The following ABCB10 variants were observed in gnomAD, a reference collection of about 807,000 sequenced individuals.
ABCB10 encodes the protein ATP-binding cassette sub-family B member 10, mitochondrial.
ABCB10 carries 54 observed loss-of-function variants against 65.4 expected under a neutral mutation model. That is an observed-to-expected ratio of 0.83 (90% confidence interval 0.66 to 1.04). The LOEUF is 1.04. Ranked by LOEUF, ABCB10 falls within the 50% of genes least tolerant of loss-of-function variation. ABCB10 has a pLI of 0.00. For synonymous variants in ABCB10, 418 were observed against 406.5 expected, an observed-to-expected ratio of 1.03 and a Z score of -0.34; for missense variants, 846 against 976.6, an observed-to-expected ratio of 0.87 and a Z score of 1.78.
rs914376068 is a variant in ABCB10 at position 229,516,684 on chromosome 1, C to T, written c.*1495G>A. The T allele has an allele frequency of 2.6e-5, 4 of 152,048 alleles. No individual in the cohort carries two copies. Among genetic ancestry groups the T allele is most frequent in the African/African-American group, 9.7e-5 (4 of 41,416 alleles). 9.4% of individuals were successfully genotyped at this position (152,048 alleles called of 1,614,324 possible). ...AAAACATAACAATGAAATGCAATTTCGTAAATACTTCTATGGCACAAGGAT... is the reference window on the plus strand; with the variant it reads ...AAAACATAACAATGAAATGCAATTTTGTAAATACTTCTATGGCACAAGGAT... On this transcript the variant is annotated 3_prime_UTR_variant, in exon 13 of 13. Transcript: ENST00000344517.
intron 7 of ABCB10, among the ~76,000 whole-genome samples, chr1:229,531,337 A>G (rs1347492969): frequency 1.3e-5 from 2 of 152,162 alleles, no homozygotes; most frequent in Admixed American, 6.5e-5. Context: ...CCTGGGCCAC[A>G]CTGACTTCCA....
At position 229,558,384 on chromosome 1, in the gene ABCB10, AG is replaced by A; in HGVS notation, c.268del (p.Leu90TrpfsTer122). On this transcript the variant is annotated frameshift_variant, in exon 1 of 13. Coordinates refer to ENST00000344517, the MANE Select transcript of ABCB10 (RefSeq NM_012089.3). LOFTEE classifies it high-confidence loss of function. ...SRGVLGLARL[L>X]GLWARGPGSC... ...GCCGGGGCCGCGAGCCCACAGCCCC[AG>A]GAGCCGCGCGAGGCCCAGGACGCCC... The A allele has an allele frequency of 8.0e-7, 1 of 1,243,442 alleles. No homozygotes were observed. The highest frequency in any genetic ancestry group is 1.0e-6 in the Non-Finnish European group (1 of 985,588). The allele number at this position is 1,243,442 out of a possible 1,614,324, so 77.0% of individuals were successfully genotyped here.
intron 9 of ABCB10, among the ~76,000 whole-genome samples, chr1:229,526,396 C>A (rs530964615): frequency 6.6e-6 from 1 of 152,364 alleles, no homozygotes; most frequent in African/African-American, 2.4e-5. Context: ...TGCCTGCCTT[C>A]CACTCAGGAC....
intron 6 of ABCB10, among the ~76,000 whole-genome samples, chr1:229,536,620 C>T (rs1293864963): frequency 6.6e-6 from 1 of 152,178 alleles, no homozygotes; most frequent in Non-Finnish European, 1.5e-5. Context: ...AAATAAAATG[C>T]AATCTCTCGC....
At chr1:229,536,164 T>C (rs1662718240) in intron 6 of ABCB10, among the ~76,000 whole-genome samples, 1 of 151,990 alleles carries the variant, frequency 6.6e-6, no homozygotes, top group African/African-American at 2.4e-5. Context: ...GAAAATGGTA[T>C]TAATTTTTAA....
Position 229,527,087 on chromosome 1 carries a change from C to G in ABCB10, c.1725+142G>C, listed in dbSNP as rs1181140448. ...AGCGCTACTTGCAAACCTAAACAACCTGCCATGTGAGATGAGCTTAATACA... is the reference window on the plus strand; with the variant it reads ...AGCGCTACTTGCAAACCTAAACAACGTGCCATGTGAGATGAGCTTAATACA... On this transcript the variant is annotated intron_variant, in intron 9 of 12. Coordinates refer to ENST00000344517, the MANE Select transcript of ABCB10 (RefSeq NM_012089.3). 18 of 735,614 alleles carry G rather than the reference C, an allele frequency of 2.4e-5. 1 individual carries two copies. The Admixed American group carries it at 5.0e-4, about 20-fold the overall frequency. 45.6% of individuals were successfully genotyped at this position (735,614 alleles called of 1,614,324 possible).
chr1:229,556,615 C>T (rs371874502), intron 1 of ABCB10, among the ~76,000 whole-genome samples: 9 of 152,246 alleles, frequency 5.9e-5, no homozygotes, highest in East Asian at 5.8e-4. Context: ...TGAGGGGTCA[C>T]AGGAACAATG....
intron 3 of ABCB10, among the ~76,000 whole-genome samples, chr1:229,543,682 G>GT (rs574023200): frequency 8.6e-4 from 131 of 152,282 alleles, no homozygotes; most frequent in East Asian, 1.5e-3. Flanking sequence ...GAAAGAGAAA[G>GT]TATCACTGCA....
chr1:229,546,355 C>G (rs1421889591), intron 3 of ABCB10, among the ~76,000 whole-genome samples: 1 of 152,048 alleles, frequency 6.6e-6, no homozygotes, highest in Non-Finnish European at 1.5e-5. Context: ...ATCAGTAAGG[C>G]TTCTGGTCAA....
chr1:229,538,013 G>A (rs1355863742), intron 6 of ABCB10, among the ~76,000 whole-genome samples: 2 of 152,304 alleles, frequency 1.3e-5, no homozygotes, highest in African/African-American at 4.8e-5. Flanking sequence ...CCTCGCACCA[G>A]ATGGCAGATC....
At chr1:229,534,256 A>G (rs1662652244) in intron 6 of ABCB10, among the ~76,000 whole-genome samples, 1 of 152,238 alleles carries the variant, frequency 6.6e-6, no homozygotes, top group Non-Finnish European at 1.5e-5. Flanking sequence ...GCTAAAAGCT[A>G]GAACACTGAC....
In ABCB10 at chr1:229,542,758, G is replaced by A. The variant is rs551497997; in HGVS notation, c.922-387C>T. 2.6e-3 allele frequency among the ~76,000 whole-genome samples: 398 copies of A among 151,704 alleles called. 2 individuals are homozygous for A. Among genetic ancestry groups the A allele is most frequent in the African/African-American group, 9.4e-3 (387 of 41,336 alleles). On this transcript the variant is annotated intron_variant, in intron 3 of 12. Coordinates refer to ENST00000344517, the MANE Select transcript of ABCB10 (RefSeq NM_012089.3). ...TCCACCTCAGGAGTTGTATATTCAG[G>A]TCTGAACCACCTGCAGGCACTGAAC...
At chr1:229,547,236 C>T (rs773373464) in intron 3 of ABCB10, among the ~76,000 whole-genome samples, 1 of 152,176 alleles carries the variant, frequency 6.6e-6, no homozygotes, top group African/African-American at 2.4e-5. Context: ...CTTAATACCC[C>T]GGGTACACAC....
chr1:229,557,901 G>A (rs1330918087), intron 1 of ABCB10, among the ~76,000 whole-genome samples: 1 of 152,212 alleles, frequency 6.6e-6, no homozygotes. Context: ...TATATAACGT[G>A]TGTCAACAAG....
At chr1:229,530,543 G>A (rs1662559645) in intron 7 of ABCB10, 135 bp from the exon 8 acceptor site, 1 of 897,342 alleles carries the variant, frequency 1.1e-6, no homozygotes, top group Non-Finnish European at 1.7e-6. Context: ...CTCTTAAAGG[G>A]CAAGTCAGAA....
intron 10 of ABCB10, 112 bp from the exon 11 acceptor site, chr1:229,521,747 G>T: frequency 9.4e-7 from 1 of 1,066,848 alleles, no homozygotes; most frequent in Non-Finnish European, 1.4e-6. Flanking sequence ...GTTAGTCATA[G>T]CTGACACAGA....
chr1:229,558,097 A>T, intron 1 of ABCB10, 39 bp downstream of exon 1: 1 of 1,318,870 alleles, frequency 7.6e-7, no homozygotes, highest in African/African-American at 1.5e-5. Context: ...GTGGAGAAGG[A>T]GAGGCCCGGC....
At chr1:229,551,141 A>G (rs1045142425) in intron 1 of ABCB10, among the ~76,000 whole-genome samples, 1 of 152,212 alleles carries the variant, frequency 6.6e-6, no homozygotes. Context: ...CCAACTGGAC[A>G]TTTAGTCGAC....
At chr1:229,550,651 A>C (rs1306181239) in intron 1 of ABCB10, among the ~76,000 whole-genome samples, 1 of 151,474 alleles carries the variant, frequency 6.6e-6, no homozygotes, top group Non-Finnish European at 1.5e-5. Context: ...TCAGGAGTTC[A>C]AGACTACCAT....
Sources: allele counts gnomAD v4.1 joint callset (sites outside exome capture counted in the v4.1 genomes callset), GRCh38; gene constraint gnomAD v4.1.1; transcripts MANE v1.5; gene names NCBI Gene and HGNC (gene_info 2026-07-23, HGNC 2026-07-21).